Variants in ZFAT observed in about 807,000 individuals in gnomAD.
The protein encoded by ZFAT is zinc finger and AT-hook domain containing, also known as zinc finger protein ZFAT.
A neutral mutation model predicts 117.7 loss-of-function variants in ZFAT; 64 were observed. The ratio of observed to expected loss-of-function variants is 0.54; its 90% CI spans 0.44 to 0.67. The LOEUF (loss-of-function observed/expected upper bound fraction) is 0.67, where lower values mean the gene tolerates loss of function less well. ZFAT is among the 30% of genes least tolerant of loss of function. The pLI is 0.00. For synonymous variants in ZFAT, 679 were observed against 615.0 expected, an observed-to-expected ratio of 1.10 and a Z score of -1.54; for missense variants, 1,433 against 1,584.5, an observed-to-expected ratio of 0.90 and a Z score of 1.62.
At chr8:134,758,591 G>T in the ZFAT span, among the ~76,000 whole-genome samples, 13 of 152,204 alleles carry the variant, frequency 8.5e-5, no homozygotes, top group Non-Finnish European at 1.5e-4. Flanking sequence ...CCTGGCCATT[G>T]TGTCTACATA....
intron 11 of ZFAT, among the ~76,000 whole-genome samples, chr8:134,547,524 C>G (rs1382176924): frequency 6.6e-6 from 1 of 152,132 alleles, no homozygotes; most frequent in Non-Finnish European, 1.5e-5. Context: ...GTCCACAGAA[C>G]TACCAAACAC....
In ZFAT at chr8:134,637,701, T is replaced by C. The variant is rs1175276125; in HGVS notation, c.208A>G (p.Met70Val). ...TTAGGCCTGCCTCTCTTCCTCTTCATGACCAAAAACTCTACAGAGGAAACA... is the reference window on the plus strand; with the variant it reads ...TTAGGCCTGCCTCTCTTCCTCTTCACGACCAAAAACTCTACAGAGGAAACA... ...SSKTGDEFLV[M>V]KRKRGRPKGS... Residue 70 changes from methionine to valine, a missense_variant, in exon 3 of 16, where the codon ATG (methionine) becomes GTG (valine). By Grantham distance (21) the Met-to-Val change is conservative. This residue lies in a region of ZFAT where 436 missense variants were observed against 482.0 expected (regional missense o/e 0.90). Transcript: ENST00000377838. 1 of 1,613,844 alleles carries C rather than the reference T, an allele frequency of 6.2e-7. No individual in the cohort carries two copies. The highest frequency in any genetic ancestry group is 8.5e-7 in the Non-Finnish European group (1 of 1,179,930).
chr8:134,591,998 G>C (rs1472929922), intron 7 of ZFAT, among the ~76,000 whole-genome samples: 1 of 145,604 alleles, frequency 6.9e-6, no homozygotes, highest in Non-Finnish European at 1.5e-5. Context: ...CCCTGGTAGG[G>C]AGGACTCTGC....
chr8:134,754,718 C>T, the ZFAT span, among the ~76,000 whole-genome samples: 3 of 152,242 alleles, frequency 2.0e-5, no homozygotes, highest in Non-Finnish European at 4.4e-5. Flanking sequence ...TGTCACCAAC[C>T]CTTAGCCCAT....
chr8:134,538,540 G>A (rs923717959), intron 11 of ZFAT, among the ~76,000 whole-genome samples: 4 of 152,186 alleles, frequency 2.6e-5, no homozygotes, highest in African/African-American at 9.7e-5. Flanking sequence ...GCTCACGCCT[G>A]TAATCCCAGT....
At chr8:134,664,030 C>T (rs1316183561) in intron 1 of ZFAT, among the ~76,000 whole-genome samples, 2 of 152,154 alleles carry the variant, frequency 1.3e-5, no homozygotes, top group Non-Finnish European at 2.9e-5. Context: ...TGGGAAGTTA[C>T]GGGAGGAGGC....
At chr8:134,796,761 T>G in the ZFAT span, 1 of 152,206 alleles carries the variant, frequency 6.6e-6, no homozygotes, top group African/African-American at 2.4e-5. Flanking sequence ...CTAGTGACTA[T>G]GAAGCACAAA....
chr8:134,786,229 C>A, the ZFAT span, among the ~76,000 whole-genome samples: 1 of 152,098 alleles, frequency 6.6e-6, no homozygotes, highest in African/African-American at 2.4e-5. Flanking sequence ...GTCTTTATGC[C>A]TATTATTTAT....
the ZFAT span, among the ~76,000 whole-genome samples, chr8:134,788,642 G>T: frequency 4.6e-5 from 7 of 152,158 alleles, no homozygotes; most frequent in African/African-American, 1.4e-4. Flanking sequence ...GGTAGGGTCC[G>T]GATAGTCTAT....
chr8:134,708,670 C>T (rs1031384410), intron 1 of ZFAT, among the ~76,000 whole-genome samples: 1 of 152,058 alleles, frequency 6.6e-6, no homozygotes, highest in Non-Finnish European at 1.5e-5. Context: ...AAAAATTACT[C>T]GGCCAGGCAC....
intron 3 of ZFAT, among the ~76,000 whole-genome samples, chr8:134,617,473 A>T (rs1217497987): frequency 6.6e-6 from 1 of 152,226 alleles, no homozygotes; most frequent in Non-Finnish European, 1.5e-5. Context: ...AAGATTAGAT[A>T]TTTCTTGGAC....
chr8:134,611,764 G>A (rs911458989), intron 3 of ZFAT, among the ~76,000 whole-genome samples: 1 of 152,244 alleles, frequency 6.6e-6, no homozygotes, highest in Non-Finnish European at 1.5e-5. Flanking sequence ...CCTGGGGCCT[G>A]CCTGCTGCCT....
chr8:134,558,814 A>C (rs199560868), intron 11 of ZFAT, among the ~76,000 whole-genome samples: 1 of 152,236 alleles, frequency 6.6e-6, no homozygotes, highest in East Asian at 1.9e-4. Context: ...CTCCAACACC[A>C]GAAGACAAAC....
chr8:134,624,171 T>C (rs1422378389), intron 3 of ZFAT, among the ~76,000 whole-genome samples: 1 of 131,598 alleles, frequency 7.6e-6, no homozygotes, highest in Non-Finnish European at 1.6e-5. Flanking sequence ...TGCAGGCACA[T>C]GTGCACATGC....
chr8:134,575,206 A>G, intron 10 of ZFAT, among the ~76,000 whole-genome samples: 1 of 152,218 alleles, frequency 6.6e-6, no homozygotes, highest in Non-Finnish European at 1.5e-5. Flanking sequence ...CCCAGAACCT[A>G]TACATGCTAT....
the ZFAT span, chr8:134,783,555 A>G: frequency 6.6e-6 from 1 of 152,202 alleles, no homozygotes; most frequent in Admixed American, 6.5e-5. Flanking sequence ...GCTGTAAGTG[A>G]CCAAATAGCA....
chr8:134,798,169 G>A, the ZFAT span: 1 of 151,906 alleles, frequency 6.6e-6, no homozygotes, highest in African/African-American at 2.4e-5. Flanking sequence ...ATCATAAACA[G>A]GGGAGAAGCT....
chr8:134,782,692 CTT>C, the ZFAT span, among the ~76,000 whole-genome samples: 7 of 152,036 alleles, frequency 4.6e-5, no homozygotes, highest in African/African-American at 7.2e-5. Flanking sequence ...TTTTCATTCT[CTT>C]GTCTGCTGCC....
At chr8:134,505,259 C>T (rs1278377413) in intron 15 of ZFAT, among the ~76,000 whole-genome samples, 8 of 152,182 alleles carry the variant, frequency 5.3e-5, no homozygotes, top group Non-Finnish European at 1.0e-4. Context: ...AGAACAGTGA[C>T]TGGCTGGTAA....
Sources: allele counts gnomAD v4.1 joint callset (sites outside exome capture counted in the v4.1 genomes callset), GRCh38; gene constraint gnomAD v4.1.1; regional missense constraint gnomAD v4.1.1; transcripts MANE v1.5; gene names NCBI Gene and HGNC (gene_info 2026-07-23, HGNC 2026-07-21).